IGFL2: variants seen among roughly 807,000 people sequenced by gnomAD.
IGFL2 encodes insulin growth factor-like family member 2.
Under a neutral mutation model 13.9 loss-of-function variants are expected in IGFL2, and 7 were observed. The observed-to-expected ratio is 0.51, with a 90% CI of 0.29 to 0.95. The LOEUF (loss-of-function observed/expected upper bound fraction) is 0.95. IGFL2 is among the 40% of genes least tolerant of loss of function. The probability of loss-of-function intolerance (pLI) is 0.08; values close to 1 mark genes in which losing one functional copy is unlikely to be tolerated. For missense variants in IGFL2, 138 were observed against 147.8 expected (o/e 0.93, Z 0.34); for synonymous variants, 55 against 55.8 (o/e 0.99, Z 0.07).
chr19:46,162,369 A>G (rs1328902257), downstream of IGFL2, among the ~76,000 whole-genome samples: 5 of 152,224 alleles, frequency 3.3e-5, no homozygotes, highest in Admixed American at 2.0e-4. Context: ...TTCATGGACA[A>G]TATCCTGAAG....
chr19:46,082,046 T>C, the IGFL2 span, among the ~76,000 whole-genome samples: 12 of 152,346 alleles, frequency 7.9e-5, no homozygotes, highest in East Asian at 1.2e-3. Context: ...TTTAGCAGAG[T>C]ATACACTTCT....
the IGFL2 span, among the ~76,000 whole-genome samples, chr19:46,119,499 CTGGGGCCTAAAA>C: frequency 6.6e-6 from 1 of 151,498 alleles, no homozygotes; most frequent in African/African-American, 2.4e-5. Flanking sequence ...GTATGCTGCT[CTGGGGCCTAAAA>C]ACAGTCATTC....
chr19:46,134,796 T>C, the IGFL2 span, among the ~76,000 whole-genome samples: 1 of 152,182 alleles, frequency 6.6e-6, no homozygotes, highest in Non-Finnish European at 1.5e-5. Flanking sequence ...CTGCCTGCTA[T>C]GCAGCCCAGT....
At chr19:46,154,595 C>G (rs1210415490) in intron 1 of IGFL2, among the ~76,000 whole-genome samples, 1 of 152,082 alleles carries the variant, frequency 6.6e-6, no homozygotes, top group Non-Finnish European at 1.5e-5. Context: ...AGGCACCCAC[C>G]ACCACGCCTG....
At chr19:46,092,625 G>A in the IGFL2 span, among the ~76,000 whole-genome samples, 1 of 151,852 alleles carries the variant, frequency 6.6e-6, no homozygotes, top group South Asian at 2.1e-4. Flanking sequence ...GGGTGACAGA[G>A]TGAGACCCTG....
the IGFL2 span, among the ~76,000 whole-genome samples, chr19:46,184,982 A>T: frequency 2.6e-5 from 4 of 152,056 alleles, no homozygotes; most frequent in African/African-American, 7.2e-5. Context: ...TTTGATTTGC[A>T]TTTCTCTGAT....
In IGFL2 at chr19:46,161,078, G is replaced by A. The variant is rs200786531; in HGVS notation, c.350G>A (p.Arg117His). Residue 117 changes from arginine (R) to histidine (H), a missense_variant, in exon 4 of 4, where the codon CGT becomes CAT. Transcript: ENST00000377693. The stretch of plus-strand genomic sequence containing the variant: ...TTTCTTTTTCTCTGTAGCAGAAGAC[G>A]TTTTCCCTGAGAAGACATAGAAAGA... ...PISSKCESRR[R>H]FP 192 of 1,590,062 alleles carry A rather than the reference G, an allele frequency of 1.2e-4. 1 individual carries two copies. Among genetic ancestry groups the A allele is most frequent in the South Asian group, 2.3e-4 (20 of 88,114 alleles).
At chr19:46,084,337 T>A in the IGFL2 span, among the ~76,000 whole-genome samples, 2 of 152,206 alleles carry the variant, frequency 1.3e-5, no homozygotes, top group African/African-American at 4.8e-5. Flanking sequence ...AATCTGATGT[T>A]TCTTTATTGA....
upstream of IGFL2, chr19:46,143,362 G>C (rs1299397024): frequency 5.9e-5 from 9 of 151,434 alleles, no homozygotes; most frequent in Non-Finnish European, 1.5e-5. Context: ...CCCATCAACA[G>C]TAGGCTATTT....
chr19:46,139,631 A>T (rs1972766950), upstream of IGFL2, among the ~76,000 whole-genome samples: 1 of 152,192 alleles, frequency 6.6e-6, no homozygotes, highest in South Asian at 2.1e-4. Flanking sequence ...TATAATAATT[A>T]TGAATCTGAA....
the IGFL2 span, chr19:46,120,078 A>G: frequency 3.9e-5 from 21 of 531,994 alleles, no homozygotes; most frequent in Admixed American, 6.7e-5. Flanking sequence ...TGAAGATGGT[A>G]AATGTGGGGG....
chr19:46,186,168 G>A, the IGFL2 span, among the ~76,000 whole-genome samples: 1,242 of 152,234 alleles, frequency 8.2e-3, 18 homozygotes, highest in African/African-American at 0.027. Context: ...TACTGGGGCC[G>A]GGCTGATTGC....
chr19:46,102,911 G>C, the IGFL2 span, among the ~76,000 whole-genome samples: 1 of 152,268 alleles, frequency 6.6e-6, no homozygotes, highest in African/African-American at 2.4e-5. Context: ...CCTGGAGTGG[G>C]AAAGATTAAA....
chr19:46,125,544 C>T, the IGFL2 span, among the ~76,000 whole-genome samples: 82 of 152,316 alleles, frequency 5.4e-4, 2 homozygotes, highest in Admixed American at 5.4e-3. Flanking sequence ...TGTGATGATT[C>T]AATCAGAAAA....
chr19:46,173,064 T>C, the IGFL2 span, among the ~76,000 whole-genome samples: 126 of 152,346 alleles, frequency 8.3e-4, 2 homozygotes, highest in Middle Eastern at 0.017. Flanking sequence ...ATAGAGAAGA[T>C]TAAAGGTCTT....
intron 2 of IGFL2, 65 bp downstream of exon 2, chr19:46,160,533 T>C: frequency 6.2e-7 from 1 of 1,612,040 alleles, no homozygotes; most frequent in Non-Finnish European, 8.5e-7. Flanking sequence ...GGCATGGGGG[T>C]TCACAGAGGG....
upstream of IGFL2, among the ~76,000 whole-genome samples, chr19:46,139,490 A>G (rs1239499044): frequency 6.6e-6 from 1 of 152,160 alleles, no homozygotes; most frequent in Non-Finnish European, 1.5e-5. Flanking sequence ...GAAAAGATAC[A>G]TCATGCAAAC....
upstream of IGFL2, among the ~76,000 whole-genome samples, chr19:46,138,514 G>T (rs2080619): frequency 0.63 from 95,912 of 152,002 alleles, 31,160 homozygotes; most frequent in African/African-American, 0.7. Context: ...CTGGTGGTGG[G>T]GGAGCATTGA....
At chr19:46,157,075 A>G (rs1973864802) in intron 1 of IGFL2, among the ~76,000 whole-genome samples, 1 of 152,204 alleles carries the variant, frequency 6.6e-6, no homozygotes, top group Non-Finnish European at 1.5e-5. Flanking sequence ...CACACCCAAT[A>G]TGAAATACAT....
Sources: gnomAD v4.1 joint callset for allele counts (sites outside exome capture counted in the v4.1 genomes callset) on GRCh38, gnomAD v4.1.1 for gene constraint, MANE v1.5 for transcripts, NCBI Gene and HGNC (gene_info 2026-07-23, HGNC 2026-07-21) for gene names.